The following ABCA13 variants were observed in gnomAD, a reference collection of about 807,000 sequenced individuals.
ABCA13 encodes ATP binding cassette subfamily A member 13, also known as ATP-binding cassette sub-family A member 13.
In ABCA13, 476 loss-of-function variants were observed where a neutral mutation model predicts 478.7. That is an observed-to-expected ratio of 0.99 (90% CI 0.92 to 1.07). ABCA13 has a LOEUF of 1.07. Among genes scored for constraint, ABCA13 ranks in the 50% least tolerant of loss-of-function variants. The pLI is 0.00. For synonymous variants in ABCA13, 2,252 were observed against 2,158.9 expected (o/e 1.04, Z -1.20); for missense variants, 6,060 against 5,910.6 (o/e 1.03, Z -0.83).
Position 48,367,733 on chromosome 7 carries a change from T to TA in ABCA13, c.10689-55dup, listed in dbSNP as rs1349765068. ...AGCTTTCTAACTTGGAAGAAAAATG[T>TA]AAAAAATTAGTAGAGTCATTTTGCT... On this transcript the variant is annotated intron_variant, in intron 31 of 61. Transcript: ENST00000435803. The TA allele has an allele frequency of 2.0e-5, 27 of 1,329,032 alleles. 1 individual carries two copies. The highest frequency in any genetic ancestry group is 2.1e-5 in the Non-Finnish European group (20 of 945,298). The allele number at this position is 1,329,032 out of a possible 1,614,324, so 82.3% of individuals were successfully genotyped here.
intron 15 of ABCA13, among the ~76,000 whole-genome samples, chr7:48,266,200 C>A (rs1282650999): frequency 1.3e-5 from 2 of 151,414 alleles, no homozygotes; most frequent in Non-Finnish European, 3.0e-5. Context: ...CATTTTGCAT[C>A]AGTTTTTATG....
At chr7:48,185,584 A>G (rs1468705867) in intron 1 of ABCA13, among the ~76,000 whole-genome samples, 1 of 152,158 alleles carries the variant, frequency 6.6e-6, no homozygotes, top group Non-Finnish European at 1.5e-5. Context: ...TAATCTGTTC[A>G]TATATTTAGC....
At chr7:48,467,099 A>T in intron 44 of ABCA13, 54 bp downstream of exon 44, 1 of 1,499,270 alleles carries the variant, frequency 6.7e-7, no homozygotes, top group Non-Finnish European at 9.3e-7. Context: ...GTAATATTGT[A>T]GCCTGGGAGG....
chr7:48,629,296 G>C (rs1194592879), intron 59 of ABCA13, among the ~76,000 whole-genome samples: 1 of 152,136 alleles, frequency 6.6e-6, no homozygotes, highest in African/African-American at 2.4e-5. Flanking sequence ...ATGGGATTAT[G>C]ATTTCCTATT....
At position 48,460,113 on chromosome 7, in the gene ABCA13, G is replaced by A. The variant is rs115616497; in HGVS notation, c.12815+4827G>A. 6.2e-3 allele frequency among the ~76,000 whole-genome samples: 948 copies of A among 152,170 alleles called. 11 individuals carry two copies. The highest frequency in any genetic ancestry group is 0.022 in the African/African-American group (902 of 41,500). Reference sequence around the variant, plus strand: ...GCAAGTGTAGGACTCCCAAGTCCTGGTTGCTACACCAGTTCTTTAAGAACC... The same window carrying A: ...GCAAGTGTAGGACTCCCAAGTCCTGATTGCTACACCAGTTCTTTAAGAACC... On this transcript the variant is annotated intron_variant, in intron 43 of 61. Coordinates refer to ENST00000435803, the MANE Select transcript of ABCA13 (RefSeq NM_152701.5).
At chr7:48,552,306 TG>T (rs1785398501) in intron 55 of ABCA13, among the ~76,000 whole-genome samples, 1 of 151,900 alleles carries the variant, frequency 6.6e-6, no homozygotes, top group African/African-American at 2.4e-5. Flanking sequence ...TTCAGATACA[TG>T]TTTTGCTGAA....
chr7:48,224,737 A>G (rs144965601), intron 5 of ABCA13, among the ~76,000 whole-genome samples: 48 of 152,296 alleles, frequency 3.2e-4, no homozygotes, highest in Middle Eastern at 6.8e-3. Flanking sequence ...TACATATTTT[A>G]TATACAGGCA....
intron 50 of ABCA13, 75 bp downstream of exon 50, chr7:48,508,124 G>T: frequency 6.3e-7 from 1 of 1,585,928 alleles, no homozygotes; most frequent in Non-Finnish European, 8.6e-7. Context: ...GGGATGGAGG[G>T]GGGCATTGGG....
intron 28 of ABCA13, 34 bp downstream of exon 28, chr7:48,335,569 G>T (rs750684870): frequency 1.9e-6 from 3 of 1,558,972 alleles, no homozygotes; most frequent in Non-Finnish European, 8.8e-7. Context: ...GAGGGATGGG[G>T]AGCTACTGCT....
rs770924059 is a variant in ABCA13, at chr7:48,272,118, A to C, written c.2452A>C (p.Asn818His). The change falls in exon 17 of 62, where the codon AAT (asparagine) becomes CAT (histidine). Residue 818 changes from asparagine to histidine, a missense_variant. Physicochemically the swap from Asn to His is moderately conservative, Grantham distance 68. This residue lies in a region of ABCA13 where 4,423 missense variants were observed against 4,309.1 expected (regional missense o/e 1.03). Coordinates refer to ENST00000435803, the MANE Select transcript of ABCA13 (RefSeq NM_152701.5). Reference protein sequence around the residue: ...GSHWIRKEPKNLLRFIELILF... With the variant: ...GSHWIRKEPKHLLRFIELILF... ...TCACTGGATAAGGAAGGAACCAAAA[A>C]ATCTTTTGAGATTCATAGAATTAAT... 7.4e-6 allele frequency: 12 copies of C among 1,613,566 alleles called. No homozygotes were observed. The highest frequency in any genetic ancestry group is 1.0e-5 in the Non-Finnish European group (12 of 1,179,750).
At chr7:48,245,443 T>C in intron 11 of ABCA13, 69 bp from the exon 12 acceptor site, 1 of 1,204,288 alleles carries the variant, frequency 8.3e-7, no homozygotes, top group South Asian at 1.5e-5. Context: ...GTTTATTGAT[T>C]CATGGCCATG....
chr7:48,460,676 C>G (rs193048572), intron 43 of ABCA13, among the ~76,000 whole-genome samples: 31 of 152,340 alleles, frequency 2.0e-4, no homozygotes, highest in Middle Eastern at 6.8e-3. Flanking sequence ...CCTACAACAT[C>G]TTCCTTAACA....
rs79410624 is a variant in ABCA13, at chr7:48,397,763, T to A, written c.11873+5624T>A. ...ATGCATGTGTGGAAAAAGCCAAATC[T>A]CCTTCTGGATGGATGCTGACACTGT... On this transcript the variant is annotated intron_variant, in intron 38 of 61. Coordinates refer to ENST00000435803, the MANE Select transcript of ABCA13 (RefSeq NM_152701.5). 5.3e-4 allele frequency among the ~76,000 whole-genome samples: 81 copies of A among 152,330 alleles called. 3 individuals carry two copies. In the East Asian group the frequency reaches 0.015, roughly 29 times the overall value.
chr7:48,438,944 G>A (rs35051826), intron 42 of ABCA13, among the ~76,000 whole-genome samples: 44,305 of 149,302 alleles, frequency 0.3, 6,634 homozygotes, highest in East Asian at 0.37. Flanking sequence ...TTCCTCTAGC[G>A]TGATTCCAAA....
At chr7:48,315,542 T>G (rs1014255392) in intron 26 of ABCA13, among the ~76,000 whole-genome samples, 1 of 151,986 alleles carries the variant, frequency 6.6e-6, no homozygotes, top group East Asian at 1.9e-4. Context: ...TGCAGTGGCT[T>G]GATCTCGGCT....
intron 55 of ABCA13, among the ~76,000 whole-genome samples, chr7:48,529,261 A>G (rs1357847750): frequency 6.6e-6 from 1 of 152,222 alleles, no homozygotes; most frequent in Non-Finnish European, 1.5e-5. Context: ...ACTGGGCTCA[A>G]TATCACAAAC....
intron 14 of ABCA13, 68 bp downstream of exon 14, chr7:48,248,512 T>G: frequency 7.9e-7 from 1 of 1,263,084 alleles, no homozygotes; most frequent in South Asian, 1.7e-5. Flanking sequence ...CTGCCCCTTC[T>G]ACACAAATGA....
intron 30 of ABCA13, among the ~76,000 whole-genome samples, chr7:48,351,380 G>T (rs78301561): frequency 2.0e-5 from 3 of 152,122 alleles, no homozygotes; most frequent in Non-Finnish European, 4.4e-5. Flanking sequence ...ACAAAGTATC[G>T]CAGACTAAAA....
intron 1 of ABCA13, among the ~76,000 whole-genome samples, chr7:48,180,548 G>C (rs557195766): frequency 1.6e-4 from 24 of 152,158 alleles, no homozygotes; most frequent in Non-Finnish European, 2.6e-4. Context: ...AGCCTCCTAA[G>C]TAGCTGGGAT....
Sources: allele counts gnomAD v4.1 joint callset (sites outside exome capture counted in the v4.1 genomes callset), GRCh38; gene constraint gnomAD v4.1.1; regional missense constraint gnomAD v4.1.1; transcripts MANE v1.5; gene names NCBI Gene and HGNC (gene_info 2026-07-23, HGNC 2026-07-21).